Variants in RAPGEF3 observed in about 807,000 individuals in gnomAD.
RAPGEF3 encodes the protein Rap guanine nucleotide exchange factor 3.
A neutral mutation model predicts 129.8 loss-of-function variants in RAPGEF3; 103 were observed. The ratio of observed to expected loss-of-function variants is 0.79; its 90% CI spans 0.68 to 0.93. The LOEUF (loss-of-function observed/expected upper bound fraction) is 0.93, where lower values mean the gene tolerates loss of function less well. RAPGEF3 is among the 40% of genes least tolerant of loss of function. The pLI is 0.00. For missense variants in RAPGEF3, 1,117 were observed against 1,207.4 expected (o/e 0.93, Z 1.11); for synonymous variants, 436 against 482.6 (o/e 0.90, Z 1.26).
Position 47,751,287 on chromosome 12 carries a change from G to A in RAPGEF3, c.503-71C>T, listed in dbSNP as rs532372666. ...CTATGTGGGTATGAAACCCCACTGC[G>A]ATGCCACCCCTCAGCACTCCCCAAG... On this transcript the variant is annotated intron_variant, in intron 5 of 27. Coordinates refer to ENST00000449771, the MANE Select transcript of RAPGEF3 (RefSeq NM_001098531.4). 2.3e-5 allele frequency: 36 copies of A among 1,556,558 alleles called. No individual in the cohort carries two copies. The Middle Eastern group carries it at 5.5e-4, about 24-fold the overall frequency.
chr12:47,750,029 C>T, intron 7 of RAPGEF3, 39 bp from the exon 8 acceptor site: 1 of 1,612,420 alleles, frequency 6.2e-7, no homozygotes, highest in Non-Finnish European at 8.5e-7. Context: ...GCGACAAGTT[C>T]ATGTGCAGAG....
At position 47,737,679 on chromosome 12, in the gene RAPGEF3, T is replaced by G. The variant is rs769084682; in HGVS notation, c.2660A>C (p.Glu887Ala). The change falls in exon 28 of 28, where the codon GAG becomes GCG. Residue 887 changes from glutamate to alanine, a missense_variant. Glu to Ala is a moderately radical substitution (Grantham distance 107, BLOSUM62 -1). Transcript: ENST00000449771. ...SQVARISTCS[E>A]QSLSTRSPAS... is the part of the protein sequence containing the mutation. ...TGGACTCCGGGTGCTCAGGGACTGC[T>G]CCGAGCCTGGTGGAGGAGAGTAGTC... 6.2e-7 allele frequency: 1 copy of G among 1,613,060 alleles called. No homozygotes were observed. The highest frequency in any genetic ancestry group is 1.3e-5 in the African/African-American group (1 of 74,900).
At chr12:47,743,394 C>T in intron 18 of RAPGEF3, 136 bp downstream of exon 18, 1 of 1,194,238 alleles carries the variant, frequency 8.4e-7, no homozygotes, top group Non-Finnish European at 1.2e-6. Flanking sequence ...CACTCCACCT[C>T]CCATTAATGC....
intron 12 of RAPGEF3, 104 bp from the exon 13 acceptor site, chr12:47,748,256 G>T: frequency 9.3e-7 from 1 of 1,080,712 alleles, no homozygotes; most frequent in Admixed American, 2.0e-5. Flanking sequence ...CCCACCACCT[G>T]CAAGGTCCCA....
intron 19 of RAPGEF3, 76 bp from the exon 20 acceptor site, chr12:47,741,116 G>A: frequency 1.3e-6 from 2 of 1,506,618 alleles, no homozygotes; most frequent in Non-Finnish European, 1.8e-6. Context: ...GAGGGTTGGG[G>A]CAAGGACTCT....
rs770137759 is a variant in RAPGEF3, at chr12:47,746,906, A to G, written c.1557-7T>C. On this transcript the variant is annotated splice_polypyrimidine_tract_variant and splice_region_variant and intron_variant, in intron 15 of 27. Transcript: ENST00000449771. ...CCCACAGCCATTCTCCAACCTGCAG[A>G]CAAGAGAGAAGGGAGGTGAGTGAGC... 7 of 1,604,018 alleles carry G rather than the reference A, an allele frequency of 4.4e-6. No individual in the cohort carries two copies. The East Asian group carries it at 1.1e-4, about 26-fold the overall frequency.
At chr12:47,738,561 C>A in intron 25 of RAPGEF3, 129 bp downstream of exon 25, 1 of 888,746 alleles carries the variant, frequency 1.1e-6, no homozygotes, top group South Asian at 1.5e-5. Flanking sequence ...GGGGCTATTA[C>A]ACAGTAAGTA....
At chr12:47,748,590 C>T (rs1565760091) in intron 11 of RAPGEF3, 48 bp from the exon 12 acceptor site, 6 of 1,465,236 alleles carry the variant, frequency 4.1e-6, no homozygotes, top group African/African-American at 1.4e-5. Flanking sequence ...ACTCCCCACT[C>T]CCACACCTGG....
Position 47,746,919 on chromosome 12 carries a change from G to A in RAPGEF3, c.1557-20C>T. The A allele has an allele frequency of 6.2e-7, 1 of 1,602,678 alleles. No homozygotes were observed. The highest frequency in any genetic ancestry group is 8.5e-7 in the Non-Finnish European group (1 of 1,175,624). The stretch of plus-strand genomic sequence containing the variant: ...TCCAACCTGCAGACAAGAGAGAAGG[G>A]AGGTGAGTGAGCCCAGGTATCCCTG... On this transcript the variant is annotated intron_variant, in intron 15 of 27. Coordinates refer to ENST00000449771, the MANE Select transcript of RAPGEF3 (RefSeq NM_001098531.4).
chr12:47,752,402 G>T (rs1941809597), intron 2 of RAPGEF3, among the ~76,000 whole-genome samples: 1 of 152,188 alleles, frequency 6.6e-6, no homozygotes, highest in South Asian at 2.1e-4. Context: ...CTGGGCTGGG[G>T]TCACAGACCT....
Position 47,743,917 on chromosome 12 carries a change from G to A in RAPGEF3, c.1678+70C>T. The A allele has an allele frequency of 2.7e-6, 4 of 1,494,336 alleles. No homozygotes were observed. The South Asian group carries it at 4.6e-5, about 17-fold the overall frequency. The allele number at this position is 1,494,336 out of a possible 1,614,324, so 92.6% of individuals were successfully genotyped here. On this transcript the variant is annotated intron_variant, in intron 17 of 27. Transcript: ENST00000449771. ...CACACCGAGGTCAAGAGTGACGACA[G>A]CAGGACAAGAGAGGCAGAGACAGCA...
At position 47,737,705 on chromosome 12, in the gene RAPGEF3, A is replaced by G; in HGVS notation, c.2654-20T>C. 1 of 1,605,870 alleles carries G rather than the reference A, an allele frequency of 6.2e-7. No homozygotes were observed. The highest frequency in any genetic ancestry group is 8.5e-7 in the Non-Finnish European group (1 of 1,173,604). ...CCGAGCCTGGTGGAGGAGAGTAGTC[A>G]GGGAGGCACTGATGCCCCTTTGTGG... On this transcript the variant is annotated intron_variant, in intron 27 of 27. Transcript: ENST00000449771.
chr12:47,743,065 C>T (rs1016629482), intron 18 of RAPGEF3, among the ~76,000 whole-genome samples: 2 of 152,216 alleles, frequency 1.3e-5, no homozygotes, highest in African/African-American at 4.8e-5. Flanking sequence ...ACCTGTATCT[C>T]ATGAGATTGT....
chr12:47,737,988 C>A, intron 27 of RAPGEF3, 34 bp downstream of exon 27: 3 of 1,555,332 alleles, frequency 1.9e-6, no homozygotes, highest in South Asian at 2.2e-5. Context: ...ATAAGCACCC[C>A]CTCCCTGCCC....
chr12:47,737,728 T>C, intron 27 of RAPGEF3, 43 bp from the exon 28 acceptor site: 2 of 1,564,270 alleles, frequency 1.3e-6, no homozygotes, highest in South Asian at 2.2e-5. Flanking sequence ...TGCCCCTTTG[T>C]GGAACCCAAC....
intron 23 of RAPGEF3, chr12:47,739,550 T>G (rs973150129): frequency 1.9e-6 from 1 of 535,034 alleles, no homozygotes; most frequent in African/African-American, 1.9e-5. Flanking sequence ...CAGAGTAAAC[T>G]CCTTTGAATC....
chr12:47,748,159 G>A lies in RAPGEF3; in HGVS notation c.1244-7C>T. ...AAGTCGCTGAGGAATGTCTCTGTAT[G>A]ACAGGGTGAGGGGATGGGAGGAGGC... is the stretch of plus-strand genomic sequence containing the variant. On this transcript the variant is annotated splice_polypyrimidine_tract_variant and splice_region_variant and intron_variant, in intron 12 of 27. Coordinates refer to ENST00000449771, the MANE Select transcript of RAPGEF3 (RefSeq NM_001098531.4). The A allele has an allele frequency of 6.4e-7, 1 of 1,567,808 alleles. No individual in the cohort carries two copies.
At chr12:47,758,357 A>G in intron 1 of RAPGEF3, 194 bp downstream of exon 1, 2 of 1,464,922 alleles carry the variant, frequency 1.4e-6, no homozygotes, top group South Asian at 1.4e-5. Context: ...ATGCCCCTGC[A>G]GGGATCTCCA....
intron 17 of RAPGEF3, 123 bp downstream of exon 17, chr12:47,743,863 AG>A (rs1286251502): frequency 1.5e-6 from 2 of 1,349,042 alleles, no homozygotes; most frequent in Non-Finnish European, 2.1e-6. Context: ...ACAGACCCTG[AG>A]GAGTACAGCG....
Sources: allele counts gnomAD v4.1 joint callset (sites outside exome capture counted in the v4.1 genomes callset), GRCh38; gene constraint gnomAD v4.1.1; transcripts MANE v1.5; gene names NCBI Gene and HGNC (gene_info 2026-07-23, HGNC 2026-07-21).